Variants in PACRG observed in about 807,000 individuals in gnomAD.
PACRG encodes the protein parkin coregulated.
PACRG carries 29 observed loss-of-function variants against 29.7 expected under a neutral mutation model. The observed-to-expected ratio is 0.98, with a 90% CI of 0.73 to 1.33. The LOEUF is 1.33. Ranked by LOEUF, PACRG falls within the 40% of genes most tolerant of loss-of-function variation. The pLI is 0.00. For missense variants in PACRG, 279 were observed against 316.2 expected, an observed-to-expected ratio of 0.88 and a Z score of 0.89; for synonymous variants, 116 against 118.7, an observed-to-expected ratio of 0.98 and a Z score of 0.15.
chr6:163,079,635 G>C (rs573412572), intron 3 of PACRG, among the ~76,000 whole-genome samples: 1 of 152,030 alleles, frequency 6.6e-6, no homozygotes, highest in South Asian at 2.1e-4. Context: ...AGGAGCTCCC[G>C]AATCACCTGC....
chr6:163,218,465 G>A (rs1475021558), intron 4 of PACRG, among the ~76,000 whole-genome samples: 1 of 152,104 alleles, frequency 6.6e-6, no homozygotes, highest in African/African-American at 2.4e-5. Flanking sequence ...CCTTCCAAGG[G>A]CTATGAGTGC....
At chr6:163,080,731 T>C (rs895598757) in intron 3 of PACRG, among the ~76,000 whole-genome samples, 2 of 152,226 alleles carry the variant, frequency 1.3e-5, no homozygotes, top group African/African-American at 2.4e-5. Flanking sequence ...TTTTGATCTA[T>C]TGAAAAATTG....
At chr6:162,755,704 T>A (rs575996589) in intron 1 of PACRG, among the ~76,000 whole-genome samples, 1 of 152,228 alleles carries the variant, frequency 6.6e-6, no homozygotes, top group African/African-American at 2.4e-5. Flanking sequence ...CCCAAAGTTC[T>A]GGGATTACAG....
chr6:163,162,230 C>A lies in PACRG; in HGVS notation c.613+72822C>A, dbSNP rs115242565. 7.6e-3 allele frequency among the ~76,000 whole-genome samples: 1,156 copies of A among 152,258 alleles called. 13 individuals are homozygous for A. The highest frequency in any genetic ancestry group is 0.027 in the African/African-American group (1,108 of 41,548). ...CTGACCTACAAAAAGGACGGTCCTG[C>A]TAGGTGAAGTGTGGTCAGGGAGAGG... On this transcript the variant is annotated intron_variant, in intron 4 of 4. Coordinates refer to ENST00000366888, the MANE Select transcript of PACRG (RefSeq NM_001080379.2).
At chr6:163,138,057 G>C (rs997974697) in intron 4 of PACRG, among the ~76,000 whole-genome samples, 4 of 152,338 alleles carry the variant, frequency 2.6e-5, no homozygotes, top group South Asian at 2.1e-4. Flanking sequence ...AAGAAGGAGT[G>C]GGGGAGCCTG....
chr6:163,131,178 G>T (rs1585250457), intron 4 of PACRG, among the ~76,000 whole-genome samples: 1 of 152,004 alleles, frequency 6.6e-6, no homozygotes, highest in African/African-American at 2.4e-5. Flanking sequence ...CGTGGTGGCG[G>T]GCGCCTGTAG....
At chr6:162,969,387 A>G (rs1190998280) in intron 2 of PACRG, among the ~76,000 whole-genome samples, 22 of 151,826 alleles carry the variant, frequency 1.4e-4, no homozygotes, top group Admixed American at 1.4e-3. Flanking sequence ...CTGCTACCCC[A>G]TCATCTCTTC....
intron 4 of PACRG, among the ~76,000 whole-genome samples, chr6:163,137,370 T>A (rs958034157): frequency 3.3e-5 from 5 of 152,122 alleles, no homozygotes; most frequent in Admixed American, 2.6e-4. Context: ...CCCTGCTTTA[T>A]TGTTCGCTTG....
At chr6:162,792,712 G>C (rs1020625802) in intron 1 of PACRG, among the ~76,000 whole-genome samples, 1 of 152,204 alleles carries the variant, frequency 6.6e-6, no homozygotes, top group Non-Finnish European at 1.5e-5. Flanking sequence ...GCTTCTGTTA[G>C]AGCAAGAAGA....
chr6:163,006,130 ATT>A (rs1346852122), intron 2 of PACRG, among the ~76,000 whole-genome samples: 2 of 143,206 alleles, frequency 1.4e-5, no homozygotes, highest in African/African-American at 5.1e-5. Context: ...ACCCATATAT[ATT>A]ATATATTATT....
chr6:163,118,754 T>A (rs2128323529), intron 4 of PACRG, among the ~76,000 whole-genome samples: 1 of 152,354 alleles, frequency 6.6e-6, no homozygotes, highest in South Asian at 2.1e-4. Flanking sequence ...CCATGTTCAA[T>A]CTGCCTTCAA....
chr6:163,170,958 T>A (rs1347083078), intron 4 of PACRG: 1 of 152,230 alleles, frequency 6.6e-6, no homozygotes, highest in East Asian at 1.9e-4. Flanking sequence ...TAAAAGGATA[T>A]CGCCTAGTGC....
At chr6:163,151,886 G>A (rs150023799) in intron 4 of PACRG, among the ~76,000 whole-genome samples, 1,619 of 152,186 alleles carry the variant, frequency 0.011, 28 homozygotes, top group African/African-American at 0.038. Context: ...ACTTCCTAAC[G>A]AATGCTTAGA....
At chr6:162,914,589 C>A (rs1317687157) in intron 2 of PACRG, among the ~76,000 whole-genome samples, 8 of 136,606 alleles carry the variant, frequency 5.9e-5, no homozygotes, top group African/African-American at 2.1e-4. Context: ...AATCAACTTG[C>A]CCATTTTTAC....
chr6:162,869,479 C>A (rs1442515829), intron 2 of PACRG, among the ~76,000 whole-genome samples: 1 of 151,952 alleles, frequency 6.6e-6, no homozygotes, highest in Non-Finnish European at 1.5e-5. Flanking sequence ...GGAAAAAAAG[C>A]GTGATTTTTG....
At chr6:163,158,369 C>G (rs927334095) in intron 4 of PACRG, among the ~76,000 whole-genome samples, 1 of 152,152 alleles carries the variant, frequency 6.6e-6, no homozygotes, top group Non-Finnish European at 1.5e-5. Context: ...AGCTGAACCA[C>G]GAAACCTCTT....
chr6:163,211,108 TA>T (rs1781119750), intron 4 of PACRG, among the ~76,000 whole-genome samples: 1 of 152,248 alleles, frequency 6.6e-6, no homozygotes, highest in African/African-American at 2.4e-5. Flanking sequence ...ACCTTTTTTT[TA>T]AATTCCCTTT....
chr6:163,040,215 T>C (rs1808562484), intron 2 of PACRG, among the ~76,000 whole-genome samples: 2 of 152,192 alleles, frequency 1.3e-5, no homozygotes, highest in Admixed American at 1.3e-4. Context: ...GCCCCAAGCA[T>C]TGGCAGTTTC....
chr6:163,300,469 C>T (rs776828979), intron 4 of PACRG, among the ~76,000 whole-genome samples: 6 of 152,158 alleles, frequency 3.9e-5, no homozygotes, highest in East Asian at 1.9e-4. Flanking sequence ...GGAGTCTCCT[C>T]GAAGCCTCCG....
Sources: allele counts gnomAD v4.1 joint callset (sites outside exome capture counted in the v4.1 genomes callset), GRCh38; gene constraint gnomAD v4.1.1; transcripts MANE v1.5; gene names NCBI Gene and HGNC (gene_info 2026-07-23, HGNC 2026-07-21).